The following XKR6 variants were observed in gnomAD, a reference collection of about 807,000 sequenced individuals.
XKR6 encodes XK related 6, also known as XK-related protein 6.
Under a neutral mutation model 56.7 loss-of-function variants are expected in XKR6, and 22 were observed. That is an observed-to-expected ratio of 0.39 (90% CI 0.28 to 0.55). The LOEUF (loss-of-function observed/expected upper bound fraction) is 0.55. XKR6 is among the 20% of genes least tolerant of loss of function. XKR6 has a pLI of 0.66. For synonymous variants in XKR6, 524 were observed against 387.8 expected, an observed-to-expected ratio of 1.35 and a Z score of -4.13; for missense variants, 852 against 889.0, an observed-to-expected ratio of 0.96 and a Z score of 0.53.
intron 1 of XKR6, among the ~76,000 whole-genome samples, chr8:11,038,352 T>C (rs910148874): frequency 2.0e-5 from 3 of 152,210 alleles, no homozygotes; most frequent in African/African-American, 7.2e-5. Flanking sequence ...CCTTATGATG[T>C]CATGTGAGTC....
chr8:10,987,694 C>G (rs947914277), intron 1 of XKR6, among the ~76,000 whole-genome samples: 1 of 152,216 alleles, frequency 6.6e-6, no homozygotes, highest in Non-Finnish European at 1.5e-5. Context: ...CATGACTTCC[C>G]ACTTCACCTA....
intron 1 of XKR6, chr8:11,105,533 C>G (rs1350945101): frequency 1.3e-5 from 2 of 152,244 alleles, no homozygotes; most frequent in African/African-American, 4.8e-5. Flanking sequence ...ACTCCCTTCC[C>G]CACATTCCTA....
chr8:11,151,626 G>C (rs1201861604), intron 1 of XKR6, among the ~76,000 whole-genome samples: 3 of 152,000 alleles, frequency 2.0e-5, no homozygotes, highest in African/African-American at 7.3e-5. Context: ...GGTGGATTCA[G>C]AGCAGATGAA....
intron 1 of XKR6, among the ~76,000 whole-genome samples, chr8:11,155,440 A>G (rs531162262): frequency 6.6e-6 from 1 of 152,356 alleles, no homozygotes; most frequent in African/African-American, 2.4e-5. Context: ...CCCTCTCAAG[A>G]GAAAAAAATT....
At chr8:11,108,414 C>T (rs547523766) in intron 1 of XKR6, 39 of 437,336 alleles carry the variant, frequency 8.9e-5, no homozygotes, top group African/African-American at 6.9e-4. Context: ...AAAAGTCACA[C>T]TTAGGGAGAA....
intron 1 of XKR6, among the ~76,000 whole-genome samples, chr8:11,015,536 G>C (rs1798599058): frequency 6.6e-6 from 1 of 152,152 alleles, no homozygotes; most frequent in Non-Finnish European, 1.5e-5. Context: ...GGAGGAGAGG[G>C]GGACGCTGGC....
intron 1 of XKR6, among the ~76,000 whole-genome samples, chr8:11,167,591 G>A (rs1211081411): frequency 3.9e-5 from 6 of 151,992 alleles, no homozygotes; most frequent in Non-Finnish European, 8.8e-5. Flanking sequence ...AGGAAATTAG[G>A]GCAATCAAAA....
intron 1 of XKR6, among the ~76,000 whole-genome samples, chr8:11,005,843 T>C (rs981375078): frequency 2.6e-4 from 21 of 79,758 alleles, no homozygotes; most frequent in Non-Finnish European, 4.6e-4. Flanking sequence ...TCTTTCTTTC[T>C]TTTTTTTTTT....
At chr8:11,124,188 GA>G (rs1199196228) in intron 1 of XKR6, 1 of 355,710 alleles carries the variant, frequency 2.8e-6, no homozygotes, top group South Asian at 2.1e-5. Context: ...ATTTGAGGGA[GA>G]AAAAAGCCAA....
chr8:10,959,623 C>T (rs372414974), intron 1 of XKR6, among the ~76,000 whole-genome samples: 85 of 152,222 alleles, frequency 5.6e-4, no homozygotes, highest in African/African-American at 7.5e-4. Flanking sequence ...GACACTAATC[C>T]GTTGCTGAGG....
At chr8:11,031,995 C>A (rs935976500) in intron 1 of XKR6, among the ~76,000 whole-genome samples, 2 of 152,224 alleles carry the variant, frequency 1.3e-5, no homozygotes, top group African/African-American at 4.8e-5. Flanking sequence ...TGTTTCCAAG[C>A]AGGTGTGCGT....
intron 1 of XKR6, among the ~76,000 whole-genome samples, chr8:11,134,469 G>A (rs532218832): frequency 6.6e-6 from 1 of 152,282 alleles, no homozygotes; most frequent in African/African-American, 2.4e-5. Context: ...CACTGCACAA[G>A]TTACAATTCT....
chr8:10,897,671 TTTC>T lies in XKR6; in HGVS notation c.*278_*280del, dbSNP rs1799922321. On this transcript the variant is annotated 3_prime_UTR_variant, in exon 3 of 3. Transcript: ENST00000416569. ...CATAGCGTGGGATTTTTCAATACTG[TTTC>T]TTATGTGTAAAAAACAAAAGAAAGG... The T allele has an allele frequency of 3.1e-6, 1 of 326,668 alleles. No individual in the cohort carries two copies. Among genetic ancestry groups the T allele is most frequent in the Non-Finnish European group, 5.5e-6 (1 of 180,426 alleles). The allele number at this position is 326,668 out of a possible 1,614,324, so 20.2% of individuals were successfully genotyped here.
At chr8:11,126,814 G>A (rs1363115030) in intron 1 of XKR6, among the ~76,000 whole-genome samples, 1 of 152,094 alleles carries the variant, frequency 6.6e-6, no homozygotes, top group South Asian at 2.1e-4. Flanking sequence ...TAGAATCCTG[G>A]GGCCGATGTA....
chr8:11,129,060 A>G (rs948938753), intron 1 of XKR6: 12 of 431,018 alleles, frequency 2.8e-5, no homozygotes, highest in Admixed American at 1.5e-4. Flanking sequence ...CTTCAATTCA[A>G]TGACTCAGAT....
chr8:11,176,823 A>G (rs1802680029), intron 1 of XKR6, among the ~76,000 whole-genome samples: 1 of 152,096 alleles, frequency 6.6e-6, no homozygotes. Flanking sequence ...CTTCCTGGTG[A>G]CTTTTAGGTA....
At chr8:11,159,263 T>C (rs1801675624) in intron 1 of XKR6, among the ~76,000 whole-genome samples, 1 of 152,228 alleles carries the variant, frequency 6.6e-6, no homozygotes, top group African/African-American at 2.4e-5. Context: ...CATCAGAGAA[T>C]AACAAACATT....
intron 1 of XKR6, among the ~76,000 whole-genome samples, chr8:11,088,995 T>G (rs1421351203): frequency 6.6e-6 from 1 of 152,212 alleles, no homozygotes; most frequent in Non-Finnish European, 1.5e-5. Context: ...GGTGACATTT[T>G]GTAGGCTTTG....
chr8:10,943,154 G>C, intron 1 of XKR6, among the ~76,000 whole-genome samples: 1 of 152,202 alleles, frequency 6.6e-6, no homozygotes, highest in East Asian at 1.9e-4. Context: ...TCAGGAGCAG[G>C]CTGCAGGACA....
Sources: allele counts gnomAD v4.1 joint callset (sites outside exome capture counted in the v4.1 genomes callset), GRCh38; gene constraint gnomAD v4.1.1; transcripts MANE v1.5; gene names NCBI Gene and HGNC (gene_info 2026-07-23, HGNC 2026-07-21).